The following FAM185A variants were observed in gnomAD, a reference collection of about 807,000 sequenced individuals.
FAM185A encodes the protein family with sequence similarity 185 member A.
FAM185A carries 21 observed loss-of-function variants against 45.7 expected under a neutral mutation model. The observed-to-expected ratio is 0.46, with a 90% CI of 0.33 to 0.66. FAM185A has a LOEUF of 0.66. FAM185A is among the 30% of genes least tolerant of loss of function. The pLI, the probability that FAM185A is intolerant of heterozygous loss-of-function variation, is 0.03. For synonymous variants in FAM185A, 117 were observed against 194.0 expected (o/e 0.60, Z 3.30); for missense variants, 305 against 485.4 (o/e 0.63, Z 3.49).
chr7:102,758,134 T>G (rs1793874568), intron 3 of FAM185A, among the ~76,000 whole-genome samples, 188 bp downstream of exon 3: 1 of 152,092 alleles, frequency 6.6e-6, no homozygotes, highest in African/African-American at 2.4e-5. Context: ...AGTTTGTGGT[T>G]TAATACTTTT....
chr7:102,822,178 A>T, the FAM185A span: 2 of 1,614,152 alleles, frequency 1.2e-6, no homozygotes, highest in Non-Finnish European at 1.7e-6. Flanking sequence ...TTTTGCCGAT[A>T]ACATCTCCAT....
chr7:102,807,751 A>T (rs73192007), intron 7 of FAM185A, among the ~76,000 whole-genome samples: 27,410 of 102,160 alleles, frequency 0.27, 2,505 homozygotes, highest in Middle Eastern at 0.34. Flanking sequence ...GTCTCCACTT[A>T]AAAAAAAAAA....
chr7:102,780,569 C>A (rs1428837443), intron 6 of FAM185A, among the ~76,000 whole-genome samples: 4 of 152,100 alleles, frequency 2.6e-5, no homozygotes, highest in African/African-American at 9.7e-5. Context: ...CATCTGAAAG[C>A]ACAAGAGCTC....
downstream of FAM185A, among the ~76,000 whole-genome samples, chr7:102,810,733 C>T (rs1329735454): frequency 6.6e-6 from 1 of 152,032 alleles, no homozygotes; most frequent in African/African-American, 2.4e-5. Flanking sequence ...GCTGGGATTA[C>T]AGGCAGGTGC....
intron 6 of FAM185A, among the ~76,000 whole-genome samples, chr7:102,781,070 C>T (rs1482419119): frequency 6.6e-6 from 1 of 152,178 alleles, no homozygotes; most frequent in Non-Finnish European, 1.5e-5. Context: ...ATTGCTAGCA[C>T]AGCAGTCTGA....
intron 2 of FAM185A, among the ~76,000 whole-genome samples, chr7:102,753,402 T>C (rs1466347556): frequency 6.6e-6 from 1 of 151,648 alleles, no homozygotes; most frequent in Non-Finnish European, 1.5e-5. Flanking sequence ...TTTTATGCCA[T>C]TGTAGGCATA....
the FAM185A span, among the ~76,000 whole-genome samples, chr7:102,837,622 C>T: frequency 6.6e-6 from 1 of 152,132 alleles, no homozygotes; most frequent in African/African-American, 2.4e-5. Flanking sequence ...GCAGCATGAT[C>T]ATAGCTCACT....
At chr7:102,841,796 T>C in the FAM185A span, among the ~76,000 whole-genome samples, 1 of 152,230 alleles carries the variant, frequency 6.6e-6, no homozygotes. Context: ...CCAGGTGTCT[T>C]GGGTCTCCAG....
chr7:102,824,034 G>C, the FAM185A span, among the ~76,000 whole-genome samples: 1 of 152,344 alleles, frequency 6.6e-6, no homozygotes, highest in African/African-American at 2.4e-5. Flanking sequence ...GTGGAGTTCA[G>C]AGTAGCAGGT....
At chr7:102,848,473 G>A in the FAM185A span, among the ~76,000 whole-genome samples, 17 of 83,816 alleles carry the variant, frequency 2.0e-4, 5 homozygotes, top group African/African-American at 4.0e-4. Context: ...GGAGAATGGC[G>A]TGAACCCAAG....
intron 7 of FAM185A, 64 bp from the exon 8 acceptor site, chr7:102,808,226 G>C: frequency 9.5e-7 from 1 of 1,051,978 alleles, no homozygotes; most frequent in Non-Finnish European, 1.4e-6. Context: ...TCAGAGATGT[G>C]TTGCTAGGAT....
chr7:102,821,968 C>A, the FAM185A span: 8 of 1,483,232 alleles, frequency 5.4e-6, no homozygotes, highest in South Asian at 3.5e-5. Flanking sequence ...GTATTATGAA[C>A]CTTATAGCCA....
chr7:102,822,903 A>T, the FAM185A span, among the ~76,000 whole-genome samples: 1 of 152,096 alleles, frequency 6.6e-6, no homozygotes, highest in Non-Finnish European at 1.5e-5. Context: ...AACTCCCAAA[A>T]ATACAAAAAT....
At chr7:102,758,809 T>C (rs1262699739) in intron 3 of FAM185A, among the ~76,000 whole-genome samples, 2 of 152,086 alleles carry the variant, frequency 1.3e-5, no homozygotes, top group Non-Finnish European at 2.9e-5. Context: ...ATTGTTTCTG[T>C]TGTTTTATCT....
chr7:102,785,860 C>T (rs1055424682), intron 6 of FAM185A, among the ~76,000 whole-genome samples: 3 of 151,920 alleles, frequency 2.0e-5, no homozygotes, highest in Admixed American at 6.6e-5. Flanking sequence ...AGCTTCTGCA[C>T]AGCAAAAGAA....
chr7:102,819,566 CT>C, the FAM185A span, among the ~76,000 whole-genome samples: 1 of 152,172 alleles, frequency 6.6e-6, no homozygotes, highest in Non-Finnish European at 1.5e-5. Flanking sequence ...ATAAAACAGC[CT>C]CTTCTGACGG....
At chr7:102,798,856 T>G (rs1408054018) in intron 7 of FAM185A, among the ~76,000 whole-genome samples, 3 of 151,974 alleles carry the variant, frequency 2.0e-5, no homozygotes, top group African/African-American at 7.2e-5. Flanking sequence ...CAAGCAATTC[T>G]CCTGCCTCAG....
At chr7:102,778,886 C>A (rs1409364647) in intron 6 of FAM185A, among the ~76,000 whole-genome samples, 7 of 152,216 alleles carry the variant, frequency 4.6e-5, no homozygotes, top group Non-Finnish European at 8.8e-5. Context: ...CATTCCAACT[C>A]TGCCACTGTC....
chr7:102,834,090 G>GGA, the FAM185A span, among the ~76,000 whole-genome samples: 2,461 of 70,384 alleles, frequency 0.035, 113 homozygotes, highest in East Asian at 0.11. Context: ...GGAAAGAAAA[G>GGA]AAAGAAAGAA....
Sources: allele counts gnomAD v4.1 joint callset (sites outside exome capture counted in the v4.1 genomes callset), GRCh38; gene constraint gnomAD v4.1.1; transcripts MANE v1.5; gene names NCBI Gene and HGNC (gene_info 2026-07-23, HGNC 2026-07-21).